ATRNL1: variants seen among roughly 807,000 people sequenced by gnomAD.
ATRNL1 encodes attractin like 1, also known as attractin-like protein 1.
A neutral mutation model predicts 182.7 loss-of-function variants in ATRNL1; 95 were observed. The ratio of observed to expected loss-of-function variants is 0.52; its 90% CI spans 0.44 to 0.62. The LOEUF is 0.62. ATRNL1 is among the 20% of genes least tolerant of loss of function. The pLI is 0.00. For synonymous variants in ATRNL1, 576 were observed against 568.3 expected (o/e 1.01, Z -0.19); for missense variants, 1,471 against 1,679.5 (o/e 0.88, Z 2.17).
chr10:115,764,992 G>C (rs910492327), intron 27 of ATRNL1, among the ~76,000 whole-genome samples: 3 of 152,108 alleles, frequency 2.0e-5, no homozygotes, highest in Non-Finnish European at 4.4e-5. Flanking sequence ...GTCTTTTTAT[G>C]TCCTGATAGC....
In ATRNL1 at chr10:115,491,733, G is replaced by C. The variant is rs1188255005; in HGVS notation, c.3654+22404G>C. On this transcript the variant is annotated intron_variant, in intron 24 of 28. Coordinates refer to ENST00000355044, the MANE Select transcript of ATRNL1 (RefSeq NM_207303.4). The stretch of plus-strand genomic sequence containing the variant: ...CAGATCACTTGGCTCCCTGGCTTCA[G>C]CCCCCTTTCCAGGAGAGTGAATGGT... Among the ~76,000 whole-genome samples the C allele has an allele frequency of 2.0e-5, 3 of 152,172 alleles. No homozygotes were observed. In the East Asian group the frequency reaches 5.8e-4, roughly 29 times the overall value.
At chr10:115,711,628 T>A (rs1947066004) in intron 26 of ATRNL1, among the ~76,000 whole-genome samples, 1 of 152,184 alleles carries the variant, frequency 6.6e-6, no homozygotes, top group African/African-American at 2.4e-5. Context: ...TAATGTCAGC[T>A]GCTTTGGGCA....
chr10:115,334,463 A>G (rs781885844), intron 19 of ATRNL1, 44 bp downstream of exon 19: 2 of 1,435,660 alleles, frequency 1.4e-6, no homozygotes, highest in Non-Finnish European at 1.9e-6. Context: ...TTACTAAGGA[A>G]AAGATAATTA....
chr10:115,259,253 G>A (rs1159273384), intron 10 of ATRNL1, among the ~76,000 whole-genome samples: 1 of 152,200 alleles, frequency 6.6e-6, no homozygotes, highest in Non-Finnish European at 1.5e-5. Flanking sequence ...GGTAGGCCTT[G>A]GTGAGCTGTG....
At chr10:115,152,177 G>A (rs1272103405) in intron 5 of ATRNL1, among the ~76,000 whole-genome samples, 2 of 151,920 alleles carry the variant, frequency 1.3e-5, no homozygotes, top group African/African-American at 4.8e-5. Flanking sequence ...TTTTGGCTTA[G>A]GATTGTCTTG....
chr10:115,426,179 T>C lies in ATRNL1; in HGVS notation c.3270-71T>C, dbSNP rs187261475. On this transcript the variant is annotated intron_variant, in intron 20 of 28. Coordinates refer to ENST00000355044, the MANE Select transcript of ATRNL1 (RefSeq NM_207303.4). ...TTTGATGTAGAATATAAATACTTTT[T>C]TGCTTGAAGAAAAACATGAGGCTTT... 888 of 1,239,020 alleles carry C rather than the reference T, an allele frequency of 7.2e-4. 8 individuals are homozygous for C. In the African/African-American group the frequency reaches 0.012, roughly 17 times the overall value. 76.8% of individuals were successfully genotyped at this position (1,239,020 alleles called of 1,614,324 possible).
At chr10:115,522,874 A>C (rs782522182) in intron 25 of ATRNL1, among the ~76,000 whole-genome samples, 1 of 152,182 alleles carries the variant, frequency 6.6e-6, no homozygotes, top group Non-Finnish European at 1.5e-5. Context: ...TATAGCGGGG[A>C]AGACATTAAA....
chr10:115,330,672 C>CTTTTTTTTTTTTTT (rs200104323), intron 18 of ATRNL1, among the ~76,000 whole-genome samples: 3 of 101,408 alleles, frequency 3.0e-5, no homozygotes, highest in Non-Finnish European at 4.0e-5. Context: ...GTGTTATTTG[C>CTTTTTTTTTTTTTT]TTTTTTTTTT....
rs115676368 is a variant in ATRNL1, at chr10:115,172,896, C to G, written c.1348+1604C>G. ...ACTCAGCTGTAAGTTTATAATTACT[C>G]ATGTCAAGTTGGCCCTTAATGACAT... On this transcript the variant is annotated intron_variant, in intron 8 of 28. Coordinates refer to ENST00000355044, the MANE Select transcript of ATRNL1 (RefSeq NM_207303.4). Among the ~76,000 whole-genome samples the G allele has an allele frequency of 3.4e-3, 511 of 149,594 alleles. 1 individual carries two copies. The highest frequency in any genetic ancestry group is 0.012 in the African/African-American group (473 of 40,768).
At chr10:115,640,483 A>T (rs59064956) in intron 26 of ATRNL1, among the ~76,000 whole-genome samples, 6 of 152,044 alleles carry the variant, frequency 3.9e-5, no homozygotes, top group Admixed American at 6.6e-5. Flanking sequence ...CTGGCATGAG[A>T]TGGTACCTCA....
intron 15 of ATRNL1, among the ~76,000 whole-genome samples, chr10:115,294,512 G>T (rs562438139): frequency 4.6e-5 from 7 of 151,956 alleles, no homozygotes; most frequent in African/African-American, 1.4e-4. Context: ...TTGTTGAATT[G>T]TCTATCTGTA....
chr10:115,944,795 C>T lies in ATRNL1; in HGVS notation c.*16C>T. The T allele has an allele frequency of 6.2e-7, 1 of 1,610,706 alleles. No individual in the cohort carries two copies. Among genetic ancestry groups the T allele is most frequent in the Non-Finnish European group, 8.5e-7 (1 of 1,178,522 alleles). On this transcript the variant is annotated 3_prime_UTR_variant, in exon 29 of 29. Transcript: ENST00000355044. ...TTGTGTCTGAGAAATGGAAACCGCT[C>T]CTGTATATTCTGTACTGTTTTACTT...
At chr10:115,169,645 A>G (rs1847206007) in intron 7 of ATRNL1, among the ~76,000 whole-genome samples, 1 of 152,136 alleles carries the variant, frequency 6.6e-6, no homozygotes, top group Admixed American at 6.6e-5. Flanking sequence ...GTCAGTTTCT[A>G]CAAAGAAGCC....
intron 26 of ATRNL1, among the ~76,000 whole-genome samples, chr10:115,559,413 T>TG (rs1853529697): frequency 8.2e-5 from 10 of 122,046 alleles, no homozygotes; most frequent in Admixed American, 7.3e-4. Context: ...ATTCTTGGTG[T>TG]TTGTGTGTGT....
At chr10:115,415,123 C>T (rs1845327124) in intron 20 of ATRNL1, among the ~76,000 whole-genome samples, 1 of 151,856 alleles carries the variant, frequency 6.6e-6, no homozygotes, top group African/African-American at 2.4e-5. Context: ...TCAAGTTGTC[C>T]TCCATATGAA....
At chr10:115,551,557 A>G (rs1243817018) in intron 26 of ATRNL1, among the ~76,000 whole-genome samples, 1 of 151,418 alleles carries the variant, frequency 6.6e-6, no homozygotes, top group Non-Finnish European at 1.5e-5. Context: ...AAAGTGTATA[A>G]TAGTGTTTGC....
intron 25 of ATRNL1, among the ~76,000 whole-genome samples, chr10:115,531,675 TTG>T (rs1273256732): frequency 1.3e-5 from 2 of 151,360 alleles, no homozygotes; most frequent in East Asian, 3.9e-4. Flanking sequence ...GCCATTGCTT[TTG>T]GTGTTTTAGA....
At chr10:115,336,671 C>A (rs1554936792) in intron 19 of ATRNL1, among the ~76,000 whole-genome samples, 1 of 152,080 alleles carries the variant, frequency 6.6e-6, no homozygotes, top group African/African-American at 2.4e-5. Flanking sequence ...TATTTTCCAA[C>A]ATATTTTCAT....
At chr10:115,221,968 C>T (rs201822140) in intron 9 of ATRNL1, among the ~76,000 whole-genome samples, 3 of 151,222 alleles carry the variant, frequency 2.0e-5, no homozygotes, top group East Asian at 1.9e-4. Context: ...AAAAAAAGCT[C>T]GGAAGAAGAT....
Sources: allele counts gnomAD v4.1 joint callset (sites outside exome capture counted in the v4.1 genomes callset), GRCh38; gene constraint gnomAD v4.1.1; transcripts MANE v1.5; gene names NCBI Gene and HGNC (gene_info 2026-07-23, HGNC 2026-07-21).